Variants in KDM1A observed in about 807,000 individuals in gnomAD.
The protein encoded by KDM1A is lysine-specific histone demethylase 1A.
A neutral mutation model predicts 109.4 loss-of-function variants in KDM1A; 49 were observed. That is an observed-to-expected ratio of 0.45 (90% CI 0.36 to 0.57). KDM1A has a LOEUF of 0.57. Ranked by LOEUF, KDM1A falls within the 20% of genes least tolerant of loss-of-function variation. KDM1A has a pLI of 0.00. For synonymous variants in KDM1A, 380 were observed against 415.4 expected (o/e 0.91, Z 1.04); for missense variants, 668 against 1,116.6 (o/e 0.60, Z 5.73).
chr1:23,030,933 G>A (rs1641963882), intron 2 of KDM1A, among the ~76,000 whole-genome samples: 2 of 152,180 alleles, frequency 1.3e-5, no homozygotes, highest in South Asian at 4.1e-4. Flanking sequence ...TGGTTGGAAA[G>A]TAGGAGAAAA....
At chr1:23,065,923 T>G (rs1478298607) in intron 9 of KDM1A, 137 bp from the exon 10 acceptor site, 2 of 1,265,146 alleles carry the variant, frequency 1.6e-6, no homozygotes, top group South Asian at 3.3e-5. Flanking sequence ...GGTTGCAGCT[T>G]CTGAGCTAAC....
At position 23,053,716 on chromosome 1, in the gene KDM1A, A is replaced by G. The variant is rs371495643; in HGVS notation, c.712-45A>G. On this transcript the variant is annotated intron_variant, in intron 4 of 20. Coordinates refer to ENST00000400181, the MANE Select transcript of KDM1A (RefSeq NM_001009999.3). ...ATGATTTTAAAGATAGTCAAATAAC[A>G]TATGTCTATTTGTATGTAATACAAT... is the stretch of plus-strand genomic sequence containing the variant. The G allele has an allele frequency of 5.5e-6, 7 of 1,267,612 alleles. 1 individual carries two copies. The highest frequency in any genetic ancestry group is 4.8e-5 in the South Asian group (4 of 82,722). The allele number at this position is 1,267,612 out of a possible 1,614,324, so 78.5% of individuals were successfully genotyped here.
intron 16 of KDM1A, 120 bp downstream of exon 16, chr1:23,077,480 A>T (rs921634884): frequency 9.6e-7 from 1 of 1,038,182 alleles, no homozygotes; most frequent in African/African-American, 1.6e-5. Context: ...ATAGGTAAAA[A>T]TTGGCATTTA....
chr1:23,042,837 C>T (rs886322283), intron 2 of KDM1A, among the ~76,000 whole-genome samples: 1 of 151,768 alleles, frequency 6.6e-6, no homozygotes, highest in Admixed American at 6.6e-5. Context: ...CAGCCTCTGC[C>T]CCCCAGGTTC....
chr1:23,046,660 C>G (rs1476111879), intron 3 of KDM1A, among the ~76,000 whole-genome samples: 1 of 152,196 alleles, frequency 6.6e-6, no homozygotes, highest in Non-Finnish European at 1.5e-5. Context: ...TAACCTACTT[C>G]AAAAGGTCTA....
intron 1 of KDM1A, among the ~76,000 whole-genome samples, chr1:23,020,869 C>T (rs1641603948): frequency 6.6e-6 from 1 of 152,148 alleles, no homozygotes; most frequent in Admixed American, 6.5e-5. Context: ...GCCCTTGAAA[C>T]AAAGGACCAC....
At chr1:23,037,880 T>G (rs1022732354) in intron 2 of KDM1A, among the ~76,000 whole-genome samples, 1 of 152,210 alleles carries the variant, frequency 6.6e-6, no homozygotes, top group African/African-American at 2.4e-5. Flanking sequence ...AAATAGTAAT[T>G]TGTTTAGCTG....
intron 18 of KDM1A, among the ~76,000 whole-genome samples, chr1:23,080,230 C>T (rs12061244): frequency 0.04 from 6,107 of 152,178 alleles, 415 homozygotes; most frequent in African/African-American, 0.14. Flanking sequence ...CTTTCCATTA[C>T]TCCTCACTGC....
chr1:23,031,582 T>G (rs1375056359), intron 2 of KDM1A, among the ~76,000 whole-genome samples: 1 of 152,140 alleles, frequency 6.6e-6, no homozygotes, highest in Admixed American at 6.5e-5. Context: ...TTAGCCTTTT[T>G]TTTTTAAGGG....
intron 3 of KDM1A, among the ~76,000 whole-genome samples, chr1:23,048,556 T>C (rs1642568555): frequency 6.6e-6 from 1 of 152,214 alleles, no homozygotes; most frequent in East Asian, 1.9e-4. Flanking sequence ...CCTCATTATC[T>C]ACAGTAGATG....
chr1:23,044,235 A>T, intron 2 of KDM1A, 192 bp from the exon 3 acceptor site: 1 of 532,804 alleles, frequency 1.9e-6, no homozygotes, highest in South Asian at 2.0e-5. Context: ...TGTAAAGTTG[A>T]AACTTCCTGA....
At chr1:23,075,362 G>C (rs1643432264) in intron 15 of KDM1A, among the ~76,000 whole-genome samples, 2 of 152,066 alleles carry the variant, frequency 1.3e-5, no homozygotes, top group Admixed American at 1.3e-4. Context: ...AGAGCAGGAG[G>C]ATCAATTGAG....
intron 19 of KDM1A, chr1:23,082,000 T>TCGCCGTAA: frequency 1.9e-6 from 1 of 518,040 alleles, no homozygotes; most frequent in Non-Finnish European, 3.4e-6. Flanking sequence ...ATCTCTGGAT[T>TCGCCGTAA]CATAGACAGG....
chr1:23,047,358 G>T (rs1429009286), intron 3 of KDM1A, among the ~76,000 whole-genome samples: 1 of 152,126 alleles, frequency 6.6e-6, no homozygotes, highest in East Asian at 1.9e-4. Context: ...TTTTAAAAAT[G>T]ATATCAGAGT....
intron 2 of KDM1A, 149 bp from the exon 3 acceptor site, chr1:23,044,277 TG>T (rs1345874324): frequency 4.5e-6 from 3 of 664,802 alleles, no homozygotes; most frequent in Non-Finnish European, 8.0e-6. Context: ...TGTAATTCCC[TG>T]GGCCTTGATT....
At chr1:23,057,598 A>G (rs368711028) in intron 8 of KDM1A, 33 bp downstream of exon 8, 4 of 1,489,738 alleles carry the variant, frequency 2.7e-6, no homozygotes, top group Non-Finnish European at 3.7e-6. Context: ...TATATAGTAC[A>G]TGGTCTAAGA....
chr1:23,035,337 G>T (rs1033606267), intron 2 of KDM1A, among the ~76,000 whole-genome samples: 1 of 152,044 alleles, frequency 6.6e-6, no homozygotes, highest in Non-Finnish European at 1.5e-5. Flanking sequence ...CAAGTAGCTG[G>T]GATTACAGGC....
intron 1 of KDM1A, among the ~76,000 whole-genome samples, chr1:23,023,830 G>C (rs906726142): frequency 4.5e-4 from 68 of 152,088 alleles, no homozygotes; most frequent in African/African-American, 1.6e-3. Flanking sequence ...TCTCCTACAA[G>C]AAAGATTTCT....
At chr1:23,063,575 T>C (rs1250885929) in intron 9 of KDM1A, among the ~76,000 whole-genome samples, 1 of 152,220 alleles carries the variant, frequency 6.6e-6, no homozygotes. Flanking sequence ...TTTGAAATCA[T>C]TACTGCCAAT....
Sources: gnomAD v4.1 joint callset for allele counts (sites outside exome capture counted in the v4.1 genomes callset) on GRCh38, gnomAD v4.1.1 for gene constraint, MANE v1.5 for transcripts, NCBI Gene and HGNC (gene_info 2026-07-23, HGNC 2026-07-21) for gene names.